PRKCE: variants seen among roughly 807,000 people sequenced by gnomAD.
PRKCE encodes the protein protein kinase C epsilon.
A neutral mutation model predicts 85.4 loss-of-function variants in PRKCE; 16 were observed. The ratio of observed to expected loss-of-function variants is 0.19; its 90% CI spans 0.13 to 0.28. The LOEUF (loss-of-function observed/expected upper bound fraction) is 0.28. Ranked by LOEUF, PRKCE falls within the 10% of genes least tolerant of loss-of-function variation. The pLI is 1.00. For missense variants in PRKCE, 573 were observed against 975.2 expected, an observed-to-expected ratio of 0.59 and a Z score of 5.49; for synonymous variants, 388 against 371.5, an observed-to-expected ratio of 1.04 and a Z score of -0.51.
intron 11 of PRKCE, among the ~76,000 whole-genome samples, chr2:46,113,805 C>G (rs1672491772): frequency 6.6e-6 from 1 of 152,112 alleles, no homozygotes; most frequent in African/African-American, 2.4e-5. Context: ...CATGTGACCC[C>G]TTCTCATACC....
At chr2:45,941,313 C>G (rs1392367279) in intron 2 of PRKCE, among the ~76,000 whole-genome samples, 1 of 152,090 alleles carries the variant, frequency 6.6e-6, no homozygotes, top group Non-Finnish European at 1.5e-5. Context: ...GCTTAGTGAT[C>G]TGGGCATTTT....
chr2:45,930,591 G>T (rs1417931875), intron 2 of PRKCE, among the ~76,000 whole-genome samples: 1 of 152,212 alleles, frequency 6.6e-6, no homozygotes, highest in Admixed American at 6.5e-5. Context: ...TTTGTCTGTG[G>T]AGGGCATGGC....
chr2:46,130,034 C>G (rs1161724013), intron 11 of PRKCE, among the ~76,000 whole-genome samples: 1 of 152,154 alleles, frequency 6.6e-6, no homozygotes, highest in Non-Finnish European at 1.5e-5. Flanking sequence ...CCCTTAGGGA[C>G]TATTAGCACA....
intron 1 of PRKCE, among the ~76,000 whole-genome samples, chr2:45,727,457 G>C (rs771257051): frequency 6.6e-6 from 1 of 152,128 alleles, no homozygotes; most frequent in Non-Finnish European, 1.5e-5. Context: ...CTGCCTAAAG[G>C]ATAAGGATAA....
chr2:45,978,954 A>G, intron 3 of PRKCE, 22 bp from the exon 4 acceptor site: 1 of 1,597,052 alleles, frequency 6.3e-7, no homozygotes, highest in South Asian at 1.1e-5. Flanking sequence ...TTTTTTTAAA[A>G]AAATGTTATT....
At chr2:45,813,502 C>T (rs182633618) in intron 1 of PRKCE, among the ~76,000 whole-genome samples, 9 of 152,294 alleles carry the variant, frequency 5.9e-5, no homozygotes, top group Middle Eastern at 3.4e-3. Context: ...CTTCTGGCCA[C>T]GTGCCCAGCT....
intron 11 of PRKCE, among the ~76,000 whole-genome samples, chr2:46,105,765 C>A (rs1671656881): frequency 2.0e-5 from 3 of 152,148 alleles, no homozygotes; most frequent in Admixed American, 2.0e-4. Context: ...ACTCACAACA[C>A]TTGAGCTTAC....
At chr2:45,667,057 TC>T (rs533880986) in intron 1 of PRKCE, among the ~76,000 whole-genome samples, 115 of 152,266 alleles carry the variant, frequency 7.6e-4, no homozygotes, top group African/African-American at 2.7e-3. Context: ...ATGCCTGTAA[TC>T]CCAGCACTTT....
Position 46,100,344 on chromosome 2 carries a change from A to G in PRKCE, c.1592+13982A>G, listed in dbSNP as rs143949851. Among the ~76,000 whole-genome samples, 3 of 151,770 alleles carry G rather than the reference A, an allele frequency of 2.0e-5. No homozygotes were observed. In the East Asian group the frequency reaches 5.8e-4, roughly 29 times the overall value. On this transcript the variant is annotated intron_variant, in intron 11 of 14. Transcript: ENST00000306156. ...GTCTGTGGGTTTTCCTCCCTCTCTA[A>G]TTTACCCAAAGTCCTCCCTCTTAAC...
Position 46,155,003 on chromosome 2 carries a change from T to C in PRKCE, c.1920+3774T>C, listed in dbSNP as rs898943384. Among the ~76,000 whole-genome samples, 33 of 152,110 alleles carry C rather than the reference T, an allele frequency of 2.2e-4. No individual in the cohort carries two copies. Among genetic ancestry groups the C allele is most frequent in the Non-Finnish European group, 4.1e-4 (28 of 68,036 alleles). On this transcript the variant is annotated intron_variant, in intron 13 of 14. Transcript: ENST00000306156. The surrounding 1 kb of genome is among the most constrained non-coding windows in gnomAD (Gnocchi z 4.7). Reference sequence around the variant, plus strand: ...CTGTTTGATAAAAAACAGAAACAGCTCTTAGCTCTCTGTTCTTTCCATTTT... The same window carrying C: ...CTGTTTGATAAAAAACAGAAACAGCCCTTAGCTCTCTGTTCTTTCCATTTT...
intron 9 of PRKCE, among the ~76,000 whole-genome samples, chr2:46,009,224 T>C (rs186025686): frequency 1.3e-5 from 2 of 152,304 alleles, no homozygotes; most frequent in East Asian, 3.9e-4. Flanking sequence ...CAGATTCAAC[T>C]ACATAAAGAT....
At chr2:45,832,707 G>T (rs530489512) in intron 1 of PRKCE, among the ~76,000 whole-genome samples, 1 of 152,286 alleles carries the variant, frequency 6.6e-6, no homozygotes, top group Admixed American at 6.5e-5. Flanking sequence ...TGTCTGTGGG[G>T]CAGCCTGCCA....
At chr2:45,942,266 G>A (rs533884245) in intron 2 of PRKCE, among the ~76,000 whole-genome samples, 47 of 152,246 alleles carry the variant, frequency 3.1e-4, no homozygotes, top group African/African-American at 1.0e-3. Context: ...TTAGAGAAGC[G>A]TTTCTGGCCA....
chr2:45,777,556 A>G (rs1685845931), intron 1 of PRKCE, among the ~76,000 whole-genome samples: 1 of 152,158 alleles, frequency 6.6e-6, no homozygotes, highest in African/African-American at 2.4e-5. Context: ...CTTTGTCCCT[A>G]TTATGTGCCA....
Position 45,689,394 on chromosome 2 carries a change from C to T in PRKCE, c.348+36946C>T, listed in dbSNP as rs149029639. On this transcript the variant is annotated intron_variant, in intron 1 of 14. Transcript: ENST00000306156. ...GAATGGCCAGGGGTCCGGCCTCCCA[C>T]GACCCCCAATCCCATTCTCTATACC... Among the ~76,000 whole-genome samples the T allele has an allele frequency of 7.9e-5, 12 of 152,224 alleles. No homozygotes were observed. In the East Asian group the frequency reaches 1.2e-3, roughly 15 times the overall value.
chr2:45,909,826 G>C (rs572916855), intron 2 of PRKCE, among the ~76,000 whole-genome samples: 1 of 152,168 alleles, frequency 6.6e-6, no homozygotes, highest in African/African-American at 2.4e-5. Flanking sequence ...GGTATTCCAA[G>C]CCACTGCCCA....
chr2:45,799,753 A>G (rs980371389), intron 1 of PRKCE, among the ~76,000 whole-genome samples: 1 of 152,198 alleles, frequency 6.6e-6, no homozygotes, highest in Non-Finnish European at 1.5e-5. Context: ...GGCACTGCTC[A>G]CACATTTAAT....
chr2:45,735,868 A>C (rs573435895), intron 1 of PRKCE, among the ~76,000 whole-genome samples: 89 of 152,308 alleles, frequency 5.8e-4, no homozygotes, highest in African/African-American at 2.1e-3. Context: ...TGGAGAAAGG[A>C]AATTAATGCT....
chr2:45,743,548 A>G (rs1682760461), intron 1 of PRKCE, among the ~76,000 whole-genome samples: 1 of 151,766 alleles, frequency 6.6e-6, no homozygotes, highest in African/African-American at 2.4e-5. Context: ...GAAAGGAACC[A>G]GGGGGAGCTG....
Sources: allele counts gnomAD v4.1 joint callset (sites outside exome capture counted in the v4.1 genomes callset), GRCh38; gene constraint gnomAD v4.1.1; non-coding constraint Gnocchi (gnomAD v3.1); transcripts MANE v1.5; gene names NCBI Gene and HGNC (gene_info 2026-07-23, HGNC 2026-07-21).